Variants in DACH2 observed in about 807,000 individuals in gnomAD.
DACH2 encodes the protein dachshund homolog 2.
In DACH2, 17 loss-of-function variants were observed where a neutral mutation model predicts 35.8. That is an observed-to-expected ratio of 0.48 (90% confidence interval 0.33 to 0.71). The LOEUF (loss-of-function observed/expected upper bound fraction) is 0.71. Among genes scored for constraint, DACH2 ranks in the 30% least tolerant of loss-of-function variants. The pLI is 0.02. For missense variants in DACH2, 469 were observed against 472.7 expected (o/e 0.99, Z 0.07); for synonymous variants, 195 against 177.3 (o/e 1.10, Z -0.79).
At chrX:86,260,740 A>C (rs969738698) in intron 1 of DACH2, among the ~76,000 whole-genome samples, 1 of 111,859 alleles carries the variant, frequency 8.9e-6, no homozygotes, top group African/African-American at 3.2e-5. Flanking sequence ...ATTTTTGCAG[A>C]TGCAAAATCT....
intron 3 of DACH2, among the ~76,000 whole-genome samples, chrX:86,649,597 T>C (rs953136656): frequency 1.8e-5 from 2 of 111,285 alleles, no homozygotes; most frequent in African/African-American, 6.5e-5. Flanking sequence ...ATATCATCAG[T>C]TTAGATACTA....
intron 1 of DACH2, among the ~76,000 whole-genome samples, chrX:86,319,505 G>A (rs1054959922): frequency 2.7e-5 from 3 of 111,454 alleles, no homozygotes; most frequent in African/African-American, 6.5e-5. Flanking sequence ...ACTCCTTTCA[G>A]CATAGTTAGG....
At chrX:86,687,961 C>T (rs1322803904) in intron 4 of DACH2, among the ~76,000 whole-genome samples, 1 of 110,484 alleles carries the variant, frequency 9.1e-6, no homozygotes, top group Non-Finnish European at 1.9e-5. Context: ...TTGATAGGTG[C>T]AGCAAACCAC....
At chrX:86,708,678 T>A (rs1257961627) in intron 5 of DACH2, among the ~76,000 whole-genome samples, 1 of 110,216 alleles carries the variant, frequency 9.1e-6, no homozygotes, top group Non-Finnish European at 1.9e-5. Flanking sequence ...ACTTAATGGG[T>A]ACAGAGCACA....
In DACH2 at chrX:86,552,218, C is replaced by T. The variant is rs140902446; in HGVS notation, c.640+37827C>T. 8.9e-3 allele frequency among the ~76,000 whole-genome samples: 992 copies of T among 111,088 alleles called. 29 individuals are homozygous for T. In the East Asian group the frequency reaches 0.095, roughly 11 times the overall value. ...ATTTCTCGACGTGAATATAAAGAGA[C>T]ATATAATACATAGTAGACCACCTCA... On this transcript the variant is annotated intron_variant, in intron 3 of 11. Coordinates refer to ENST00000373125, the MANE Select transcript of DACH2 (RefSeq NM_053281.3).
chrX:86,643,487 A>G (rs1302183697), intron 3 of DACH2, among the ~76,000 whole-genome samples: 1 of 106,746 alleles, frequency 9.4e-6, no homozygotes, highest in Non-Finnish European at 1.9e-5. Flanking sequence ...CCAACCAAAA[A>G]AAGCCCAGGA....
At chrX:86,653,337 T>C (rs1184639118) in intron 4 of DACH2, among the ~76,000 whole-genome samples, 1 of 111,810 alleles carries the variant, frequency 8.9e-6, no homozygotes, top group Non-Finnish European at 1.9e-5. Flanking sequence ...TGTATCCGTG[T>C]AATATAATTC....
chrX:86,525,030 C>T (rs188507113), intron 3 of DACH2, among the ~76,000 whole-genome samples: 132 of 111,564 alleles, frequency 1.2e-3, no homozygotes, highest in African/African-American at 3.3e-3. Context: ...GCATTTTTAG[C>T]GTTTCTGATT....
At position 86,594,895 on chromosome X, in the gene DACH2, A is replaced by G. The variant is rs187998114; in HGVS notation, c.641-56141A>G. Among the ~76,000 whole-genome samples the G allele has an allele frequency of 9.4e-4, 105 of 111,805 alleles. 1 individual carries two copies. The highest frequency in any genetic ancestry group is 9.3e-3 in the Middle Eastern group (2 of 216). On this transcript the variant is annotated intron_variant, in intron 3 of 11. Coordinates refer to ENST00000373125, the MANE Select transcript of DACH2 (RefSeq NM_053281.3). The stretch of plus-strand genomic sequence containing the variant: ...GCTGCTGAAATGTACAACTATAACA[A>G]TGGGTTCATTTTTTTACCCTTGAAA...
At chrX:86,520,763 C>T (rs1325680496) in intron 3 of DACH2, among the ~76,000 whole-genome samples, 1 of 111,606 alleles carries the variant, frequency 9.0e-6, no homozygotes, top group Non-Finnish European at 1.9e-5. Context: ...AGATTTTTCT[C>T]CATCCCTTTA....
chrX:86,421,968 A>G (rs2036810128), intron 2 of DACH2, among the ~76,000 whole-genome samples: 1 of 111,526 alleles, frequency 9.0e-6, no homozygotes, highest in Admixed American at 9.6e-5. Flanking sequence ...AAGTGAGAGA[A>G]GCCATCTGAG....
chrX:86,471,710 T>G (rs1044223187), intron 2 of DACH2, among the ~76,000 whole-genome samples: 10 of 111,309 alleles, frequency 9.0e-5, no homozygotes, highest in African/African-American at 1.6e-4. Flanking sequence ...TATATTATAA[T>G]AAGAAGATAA....
chrX:86,577,620 A>G (rs1052567934), intron 3 of DACH2, among the ~76,000 whole-genome samples: 1 of 111,854 alleles, frequency 8.9e-6, no homozygotes, highest in Admixed American at 9.5e-5. Context: ...CAGAATCTCC[A>G]AAGTGATGCC....
At chrX:86,318,295 C>T (rs1431498981) in intron 1 of DACH2, among the ~76,000 whole-genome samples, 3 of 111,508 alleles carry the variant, frequency 2.7e-5, no homozygotes, top group Non-Finnish European at 3.8e-5. Context: ...TCCATTAACT[C>T]TCATTCTGCT....
At chrX:86,190,693 C>A (rs779566361) in intron 1 of DACH2, among the ~76,000 whole-genome samples, 69 of 111,969 alleles carry the variant, frequency 6.2e-4, no homozygotes, top group Middle Eastern at 9.3e-3. Flanking sequence ...GCCTGTAATC[C>A]CAGCACTTTG....
intron 1 of DACH2, among the ~76,000 whole-genome samples, chrX:86,360,134 T>C (rs2035715124): frequency 9.0e-6 from 1 of 111,669 alleles, no homozygotes; most frequent in South Asian, 3.7e-4. Flanking sequence ...TTCTCAAAGA[T>C]TGTTTCCCTC....
At chrX:86,216,624 T>G (rs1279346583) in intron 1 of DACH2, among the ~76,000 whole-genome samples, 1 of 111,880 alleles carries the variant, frequency 8.9e-6, no homozygotes, top group African/African-American at 3.3e-5. Flanking sequence ...ATTTGAGAGA[T>G]AAATGTTTTT....
At chrX:86,363,365 G>A (rs771941729) in intron 1 of DACH2, among the ~76,000 whole-genome samples, 9 of 110,961 alleles carry the variant, frequency 8.1e-5, no homozygotes, top group Non-Finnish European at 1.1e-4. Context: ...AAAATTTCCC[G>A]TCTGGTAATG....
intron 4 of DACH2, among the ~76,000 whole-genome samples, chrX:86,683,227 C>T (rs1471477077): frequency 1.8e-5 from 2 of 111,283 alleles, no homozygotes; most frequent in African/African-American, 6.5e-5. Flanking sequence ...CCAACTTTCT[C>T]CTCTTTCTTC....
Sources: allele counts gnomAD v4.1 joint callset (sites outside exome capture counted in the v4.1 genomes callset), GRCh38; gene constraint gnomAD v4.1.1; transcripts MANE v1.5; gene names NCBI Gene and HGNC (gene_info 2026-07-23, HGNC 2026-07-21).